NBEA: variants seen among roughly 807,000 people sequenced by gnomAD.
NBEA encodes the protein lysosomal-trafficking regulator 2.
A neutral mutation model predicts 343.4 loss-of-function variants in NBEA; 44 were observed. The ratio of observed to expected loss-of-function variants is 0.13; its 90% CI spans 0.10 to 0.16. The LOEUF is 0.16. NBEA is among the 10% of genes least tolerant of loss of function. The pLI is 1.00. For missense variants in NBEA, 2,555 were observed against 3,631.3 expected, an observed-to-expected ratio of 0.70 and a Z score of 7.62; for synonymous variants, 1,175 against 1,238.7, an observed-to-expected ratio of 0.95 and a Z score of 1.08.
At chr13:35,279,993 A>G (rs1392526736) in intron 34 of NBEA, among the ~76,000 whole-genome samples, 2 of 152,168 alleles carry the variant, frequency 1.3e-5, no homozygotes, top group Non-Finnish European at 2.9e-5. Context: ...ATTTTAACAT[A>G]TAAGACTATT....
chr13:35,652,695 T>C (rs1296855270), intron 53 of NBEA, among the ~76,000 whole-genome samples: 7 of 113,456 alleles, frequency 6.2e-5, no homozygotes, highest in Admixed American at 2.6e-4. Context: ...AGTCTTTTTT[T>C]TTTTTTTTTT....
At chr13:35,194,615 C>T (rs1259818430) in intron 30 of NBEA, among the ~76,000 whole-genome samples, 1 of 152,040 alleles carries the variant, frequency 6.6e-6, no homozygotes, top group Non-Finnish European at 1.5e-5. Context: ...AGTGAATTTA[C>T]ATATAGTAGC....
chr13:35,049,097 T>C (rs1190967568), intron 5 of NBEA, among the ~76,000 whole-genome samples: 1 of 151,850 alleles, frequency 6.6e-6, no homozygotes, highest in African/African-American at 2.4e-5. Flanking sequence ...AAATTGTTGA[T>C]AATAACTATG....
At chr13:35,440,761 A>G (rs1256772696) in intron 39 of NBEA, among the ~76,000 whole-genome samples, 2 of 152,162 alleles carry the variant, frequency 1.3e-5, no homozygotes, top group Non-Finnish European at 2.9e-5. Context: ...ATGCTAAATA[A>G]TAAGTGATAG....
At chr13:35,165,685 TTTTC>T (rs1353772554) in intron 24 of NBEA, among the ~76,000 whole-genome samples, 1 of 144,922 alleles carries the variant, frequency 6.9e-6, no homozygotes, top group South Asian at 2.3e-4. Flanking sequence ...TTCTCTTTTC[TTTTC>T]TTTTTTTTTT....
At chr13:35,622,320 G>A (rs753339483) in intron 48 of NBEA, among the ~76,000 whole-genome samples, 1 of 152,116 alleles carries the variant, frequency 6.6e-6, no homozygotes, top group Non-Finnish European at 1.5e-5. Flanking sequence ...AGTCACATAG[G>A]TTATGCTGGG....
intron 48 of NBEA, among the ~76,000 whole-genome samples, chr13:35,622,107 T>A (rs147481568): frequency 8.1e-4 from 123 of 152,108 alleles, no homozygotes; most frequent in Admixed American, 3.2e-3. Flanking sequence ...ACACTGAACT[T>A]GAGTAAGAAG....
At chr13:35,430,613 C>G (rs1262464126) in intron 38 of NBEA, among the ~76,000 whole-genome samples, 1 of 152,094 alleles carries the variant, frequency 6.6e-6, no homozygotes, top group African/African-American at 2.4e-5. Flanking sequence ...GTTTTACATA[C>G]TCTTTCCAGA....
intron 10 of NBEA, among the ~76,000 whole-genome samples, chr13:35,086,342 G>T (rs953872939): frequency 6.6e-6 from 1 of 151,886 alleles, no homozygotes; most frequent in Non-Finnish European, 1.5e-5. Context: ...GCCCTACATT[G>T]TTGCAAACTA....
chr13:35,214,563 G>T (rs865802652), intron 33 of NBEA, among the ~76,000 whole-genome samples: 2 of 151,622 alleles, frequency 1.3e-5, no homozygotes, highest in Non-Finnish European at 3.0e-5. Flanking sequence ...TTTTTCTTGA[G>T]ATATGAGTTC....
intron 35 of NBEA, among the ~76,000 whole-genome samples, chr13:35,291,068 G>A (rs2152818421): frequency 6.6e-6 from 1 of 151,856 alleles, no homozygotes; most frequent in East Asian, 1.9e-4. Flanking sequence ...CATATTTTCT[G>A]ATTACTTAAA....
At chr13:35,591,852 G>A (rs898227486) in intron 46 of NBEA, among the ~76,000 whole-genome samples, 1 of 151,968 alleles carries the variant, frequency 6.6e-6, no homozygotes, top group Admixed American at 6.6e-5. Context: ...AAAGAAAGAG[G>A]ACTAAAATAT....
chr13:35,044,603 GGTGTGTGTGTGTGTGTGT>G (rs3045194), intron 2 of NBEA, among the ~76,000 whole-genome samples: 6 of 142,598 alleles, frequency 4.2e-5, no homozygotes, highest in East Asian at 4.2e-4. Flanking sequence ...GCTGTGTTGT[GGTGTGTGTGTGTGTGTGT>G]GTGTGTGTGT....
At chr13:35,189,068 C>G (rs1230063399) in intron 30 of NBEA, among the ~76,000 whole-genome samples, 2 of 151,600 alleles carry the variant, frequency 1.3e-5, no homozygotes, top group Non-Finnish European at 1.5e-5. Flanking sequence ...ACAGGCACGC[C>G]CCACCATGCT....
chr13:35,272,601 C>T (rs1212697721), intron 34 of NBEA, among the ~76,000 whole-genome samples: 1 of 152,114 alleles, frequency 6.6e-6, no homozygotes, highest in Non-Finnish European at 1.5e-5. Context: ...GTGCCGTATT[C>T]AGGAGACCCA....
At chr13:35,444,496 A>G (rs1025856264) in intron 39 of NBEA, among the ~76,000 whole-genome samples, 2 of 152,082 alleles carry the variant, frequency 1.3e-5, no homozygotes, top group African/African-American at 4.8e-5. Context: ...GACTTCGTCA[A>G]AATACATTGA....
chr13:35,386,125 G>C (rs1251040134), intron 38 of NBEA, among the ~76,000 whole-genome samples: 1 of 152,038 alleles, frequency 6.6e-6, no homozygotes, highest in Non-Finnish European at 1.5e-5. Flanking sequence ...GTTGAATGCT[G>C]TCAATTTGGA....
intron 8 of NBEA, among the ~76,000 whole-genome samples, 176 bp from the exon 9 acceptor site, chr13:35,069,732 A>G (rs1195865794): frequency 6.6e-6 from 1 of 152,154 alleles, no homozygotes; most frequent in East Asian, 1.9e-4. Context: ...GCATAATAAA[A>G]CTTAACTCTC....
At chr13:35,457,964 A>G (rs1006042864) in intron 40 of NBEA, among the ~76,000 whole-genome samples, 1 of 152,170 alleles carries the variant, frequency 6.6e-6, no homozygotes, top group African/African-American at 2.4e-5. Flanking sequence ...CATTTTATTT[A>G]TCAGTTCATT....
Sources: gnomAD v4.1 joint callset for allele counts (sites outside exome capture counted in the v4.1 genomes callset) on GRCh38, gnomAD v4.1.1 for gene constraint, MANE v1.5 for transcripts, NCBI Gene and HGNC (gene_info 2026-07-23, HGNC 2026-07-21) for gene names.